The following NTM variants were observed in gnomAD, a reference collection of about 807,000 sequenced individuals.
NTM encodes IgLON family member 2.
Under a neutral mutation model 42.1 loss-of-function variants are expected in NTM, and 13 were observed. The observed-to-expected ratio is 0.31, with a 90% confidence interval of 0.20 to 0.49. NTM has a LOEUF of 0.49. Ranked by LOEUF, NTM falls within the 20% of genes least tolerant of loss-of-function variation. The probability of loss-of-function intolerance (pLI) is 0.99; values close to 1 mark genes in which losing one functional copy is unlikely to be tolerated. For synonymous variants in NTM, 187 were observed against 179.2 expected (o/e 1.04, Z -0.35); for missense variants, 373 against 452.8 (o/e 0.82, Z 1.60).
rs1239495705 is a variant in NTM, at chr11:132,238,250, G to T, written c.526+26103G>T. On this transcript the variant is annotated intron_variant, in intron 4 of 8. Transcript: ENST00000683400. ...GAGAGGAAAGGTTACAGGTGAGCGAGCCCCGCCCAGAGATGTGTGCATAAG... is the reference window on the plus strand; with the variant it reads ...GAGAGGAAAGGTTACAGGTGAGCGATCCCCGCCCAGAGATGTGTGCATAAG... 1.3e-5 allele frequency among the ~76,000 whole-genome samples: 2 copies of T among 152,098 alleles called. 1 individual carries two copies. Among genetic ancestry groups the T allele is most frequent in the South Asian group, 4.2e-4 (2 of 4,814 alleles).
intron 2 of NTM, among the ~76,000 whole-genome samples, chr11:131,957,571 C>T (rs1272435822): frequency 5.9e-5 from 9 of 152,170 alleles, no homozygotes; most frequent in Admixed American, 6.5e-5. Context: ...GCAGCCCAAC[C>T]GTTACCTGTG....
intron 4 of NTM, among the ~76,000 whole-genome samples, chr11:132,294,243 A>G (rs1004202778): frequency 2.0e-5 from 3 of 151,938 alleles, no homozygotes; most frequent in African/African-American, 4.8e-5. Context: ...TTGACGTGCA[A>G]TTTTATCATC....
At chr11:131,652,799 G>A (rs1047733769) in intron 1 of NTM, among the ~76,000 whole-genome samples, 1 of 152,210 alleles carries the variant, frequency 6.6e-6, no homozygotes, top group South Asian at 2.1e-4. Flanking sequence ...CTGCAGCAGG[G>A]CAGGAATCTG....
intron 2 of NTM, among the ~76,000 whole-genome samples, chr11:132,125,636 ATGTGTGTCATGTGGTATGTGGTG>A: frequency 7.1e-4 from 1 of 1,402 alleles, no homozygotes; most frequent in Middle Eastern, 0.062. Context: ...TGTATGTGGT[ATGTGTGTCATGTGGTATGTGGTG>A]TGTGTGTCAT....
intron 1 of NTM, among the ~76,000 whole-genome samples, chr11:131,838,106 T>G (rs2043746269): frequency 6.6e-6 from 1 of 152,148 alleles, no homozygotes; most frequent in African/African-American, 2.4e-5. Flanking sequence ...AGATTGGATT[T>G]TTTTCACAGT....
At chr11:131,585,995 C>G (rs996413227) in intron 1 of NTM, among the ~76,000 whole-genome samples, 9 of 152,220 alleles carry the variant, frequency 5.9e-5, no homozygotes, top group South Asian at 2.1e-4. Flanking sequence ...CTGTTGAGCA[C>G]AGAAACTTAC....
intron 2 of NTM, among the ~76,000 whole-genome samples, chr11:132,140,250 C>T (rs887599384): frequency 8.5e-5 from 13 of 152,150 alleles, no homozygotes; most frequent in Non-Finnish European, 1.8e-4. Context: ...TCTCTGACTA[C>T]AACTACCTCC....
intron 1 of NTM, among the ~76,000 whole-genome samples, chr11:131,867,904 C>G (rs1682837406): frequency 6.6e-6 from 1 of 152,098 alleles, no homozygotes; most frequent in African/African-American, 2.4e-5. Context: ...GGCTGAACTG[C>G]CAGCTGTTTT....
chr11:131,486,505 C>G (rs1954190403), intron 1 of NTM, among the ~76,000 whole-genome samples: 1 of 152,188 alleles, frequency 6.6e-6, no homozygotes, highest in South Asian at 2.1e-4. Flanking sequence ...CCCTGACCTA[C>G]AGCCACCTAG....
intron 4 of NTM, among the ~76,000 whole-genome samples, chr11:132,238,676 C>T (rs542431676): frequency 9.2e-5 from 14 of 152,128 alleles, no homozygotes; most frequent in Non-Finnish European, 1.9e-4. Flanking sequence ...TTAGGTGAAA[C>T]GCAGCTGGAG....
chr11:131,475,471 T>C (rs1304806517), intron 1 of NTM, among the ~76,000 whole-genome samples: 2 of 151,632 alleles, frequency 1.3e-5, no homozygotes, highest in African/African-American at 4.8e-5. Context: ...AAATGGGACA[T>C]GAAATAAAAA....
chr11:132,119,702 G>A (rs537806938), intron 2 of NTM, among the ~76,000 whole-genome samples: 6 of 152,320 alleles, frequency 3.9e-5, no homozygotes, highest in South Asian at 2.1e-4. Context: ...GTGGCATCAC[G>A]CCTCTCTGCC....
chr11:131,931,483 G>GTGTGTA (rs1233425638), intron 2 of NTM, among the ~76,000 whole-genome samples: 5 of 151,248 alleles, frequency 3.3e-5, no homozygotes, highest in Non-Finnish European at 5.9e-5. Flanking sequence ...GTGTGTGTGT[G>GTGTGTA]TGTGTGTGTG....
intron 3 of NTM, among the ~76,000 whole-genome samples, chr11:132,149,913 T>C (rs565496897): frequency 1.5e-4 from 23 of 152,318 alleles, no homozygotes; most frequent in Admixed American, 3.3e-4. Flanking sequence ...ACTTCTTCAG[T>C]CACACTAGCC....
At chr11:131,491,212 A>T (rs547639275) in intron 1 of NTM, among the ~76,000 whole-genome samples, 2 of 152,314 alleles carry the variant, frequency 1.3e-5, no homozygotes, top group Middle Eastern at 6.8e-3. Context: ...CTATCAATTT[A>T]AAAAAATCAG....
intron 7 of NTM, among the ~76,000 whole-genome samples, chr11:132,315,884 G>A (rs1388495894): frequency 2.6e-5 from 4 of 152,176 alleles, no homozygotes; most frequent in African/African-American, 7.2e-5. Context: ...TGATTGATGT[G>A]TCTGGCATCT....
chr11:132,192,714 T>C (rs2079508343), intron 3 of NTM, among the ~76,000 whole-genome samples: 2 of 152,108 alleles, frequency 1.3e-5, no homozygotes, highest in South Asian at 4.1e-4. Context: ...GTGTAAGTTG[T>C]ATTAAGAAGC....
At chr11:131,918,505 T>A (rs1291931532) in intron 2 of NTM, among the ~76,000 whole-genome samples, 1 of 152,144 alleles carries the variant, frequency 6.6e-6, no homozygotes, top group Non-Finnish European at 1.5e-5. Context: ...TACTCTGATT[T>A]TACAGAGCAG....
intron 1 of NTM, among the ~76,000 whole-genome samples, chr11:131,381,638 T>A (rs946841502): frequency 1.3e-5 from 2 of 152,208 alleles, no homozygotes; most frequent in Non-Finnish European, 2.9e-5. Context: ...CTCCTAGAGT[T>A]GTGAGATACC....
Sources: allele counts gnomAD v4.1 joint callset (sites outside exome capture counted in the v4.1 genomes callset), GRCh38; gene constraint gnomAD v4.1.1; transcripts MANE v1.5; gene names NCBI Gene and HGNC (gene_info 2026-07-23, HGNC 2026-07-21).